Variants in RPH3AL observed in about 807,000 individuals in gnomAD.
RPH3AL encodes the protein rab effector Noc2.
In RPH3AL, 38 loss-of-function variants were observed where a neutral mutation model predicts 43.1. The observed-to-expected ratio is 0.88, with a 90% CI of 0.68 to 1.15. The LOEUF is 1.15. Ranked by LOEUF, RPH3AL falls within the 50% of genes most tolerant of loss-of-function variation. The pLI is 0.00. For synonymous variants in RPH3AL, 189 were observed against 176.3 expected (o/e 1.07, Z -0.57); for missense variants, 462 against 423.2 (o/e 1.09, Z -0.81).
chr17:344,207 CCAT>C (rs1598170420), intron 1 of RPH3AL, among the ~76,000 whole-genome samples: 1 of 131,936 alleles, frequency 7.6e-6, no homozygotes, highest in Non-Finnish European at 1.7e-5. Flanking sequence ...ATCATCATCA[CCAT>C]CATCACTATC....
chr17:316,751 C>CA (rs2044232240), intron 5 of RPH3AL, among the ~76,000 whole-genome samples: 1 of 137,202 alleles, frequency 7.3e-6, no homozygotes, highest in Non-Finnish European at 1.6e-5. Flanking sequence ...TCCATGTGCC[C>CA]CACCTCCATT....
intron 1 of RPH3AL, among the ~76,000 whole-genome samples, chr17:334,407 C>T (rs969205264): frequency 7.9e-5 from 12 of 152,070 alleles, no homozygotes; most frequent in Non-Finnish European, 1.6e-4. Context: ...CCGTCCACTG[C>T]GGGGGGACAG....
chr17:289,220 T>C lies in RPH3AL; in HGVS notation c.352-7366A>G, dbSNP rs1158147363. Among the ~76,000 whole-genome samples the C allele has an allele frequency of 6.6e-6, 1 of 152,036 alleles. No individual in the cohort carries two copies. The highest frequency in any genetic ancestry group is 1.5e-5 in the Non-Finnish European group (1 of 67,996). ...ATGAGGGGATCAAGGGAGACGGTCATGAAAGTGCTCAGCACCATAAAAGGT... is the reference window on the plus strand; with the variant it reads ...ATGAGGGGATCAAGGGAGACGGTCACGAAAGTGCTCAGCACCATAAAAGGT... On this transcript the variant is annotated intron_variant, in intron 5 of 9. Coordinates refer to ENST00000331302, the MANE Select transcript of RPH3AL (RefSeq NM_006987.4). The surrounding 1 kb of genome is among the most constrained non-coding windows in gnomAD (Gnocchi z 5.2).
intron 6 of RPH3AL, among the ~76,000 whole-genome samples, chr17:256,067 T>C (rs1362313259): frequency 0.096 from 1,990 of 20,782 alleles, no homozygotes; most frequent in African/African-American, 0.12. Context: ...ACGGCGTCTG[T>C]CCTTTTCCAT....
At position 258,757 on chromosome 17, in the gene RPH3AL, G is replaced by GTTTTT. The variant is rs372761475; in HGVS notation, c.439-11477_439-11473dup. Among the ~76,000 whole-genome samples the GTTTTT allele has an allele frequency of 2.3e-4, 23 of 98,762 alleles. 7 individuals carry two copies. Among genetic ancestry groups the GTTTTT allele is most frequent in the Non-Finnish European group, 1.5e-4 (7 of 47,476 alleles). 64.8% of individuals were successfully genotyped at this position (98,762 alleles called of 152,430 possible). On this transcript the variant is annotated intron_variant, in intron 6 of 9. Coordinates refer to ENST00000331302, the MANE Select transcript of RPH3AL (RefSeq NM_006987.4). ...TCAGCCATTTTGGGATAGTCAACCC[G>GTTTTT]TTTTTTTTTTTTTTTTTTTTTGAGA...
At chr17:296,974 C>A (rs561328672) in intron 5 of RPH3AL, among the ~76,000 whole-genome samples, 50 of 152,240 alleles carry the variant, frequency 3.3e-4, no homozygotes, top group African/African-American at 1.0e-3. Flanking sequence ...GAGGACAAAC[C>A]GTAACACCGA....
chr17:317,434 C>T (rs1336573074), intron 5 of RPH3AL, among the ~76,000 whole-genome samples: 1 of 150,680 alleles, frequency 6.6e-6, no homozygotes, highest in Non-Finnish European at 1.5e-5. Context: ...CCTCCATTGA[C>T]CTGTAGTCCA....
chr17:253,629 C>G (rs1338391511), intron 6 of RPH3AL, among the ~76,000 whole-genome samples: 2 of 152,154 alleles, frequency 1.3e-5, no homozygotes, highest in African/African-American at 4.8e-5. Context: ...TAGCTCTCCT[C>G]TGCCCTGGCC....
At chr17:321,726 TGCCGTGTGCAGGGGGCAAGGCACGCG>T in intron 3 of RPH3AL, 1 of 337,864 alleles carries the variant, frequency 3.0e-6, no homozygotes. Flanking sequence ...ACGGCCCAGG[TGCCGTGTGCAGGGGGCAAGGCACGCG>T]GGCAACAGAG....
At chr17:226,418 C>G (rs1013565385) in intron 7 of RPH3AL, among the ~76,000 whole-genome samples, 1 of 152,272 alleles carries the variant, frequency 6.6e-6, no homozygotes, top group African/African-American at 2.4e-5. Context: ...ACTGGACCCT[C>G]TCTGCTCACT....
chr17:349,244 G>A (rs941739611), intron 1 of RPH3AL: 7 of 152,154 alleles, frequency 4.6e-5, no homozygotes, highest in African/African-American at 1.7e-4. Flanking sequence ...TAATTGGGCA[G>A]GAGGGAAACT....
rs545293351 is a variant in RPH3AL, at chr17:290,994, C to T, written c.352-9140G>A. 2.6e-5 allele frequency among the ~76,000 whole-genome samples: 4 copies of T among 152,278 alleles called. No homozygotes were observed. Among genetic ancestry groups the T allele is most frequent in the Admixed American group, 6.5e-5 (1 of 15,290 alleles). On this transcript the variant is annotated intron_variant, in intron 5 of 9. Transcript: ENST00000331302. This position sits in a 1 kb window ranked among gnomAD's most constrained non-coding sequence, Gnocchi z 4.2. Reference sequence around the variant, plus strand: ...TGGACCATCCATGGCACAGAGAGGGCTGTTCATGAGCCTCACTCGACCGAA... The same window carrying T: ...TGGACCATCCATGGCACAGAGAGGGTTGTTCATGAGCCTCACTCGACCGAA...
chr17:263,674 G>A (rs1555547055), intron 6 of RPH3AL, among the ~76,000 whole-genome samples: 5 of 152,232 alleles, frequency 3.3e-5, no homozygotes, highest in Non-Finnish European at 7.3e-5. Context: ...CTGGCACACT[G>A]AATCTGGATG....
At chr17:226,323 G>A (rs1249475896) in intron 7 of RPH3AL, among the ~76,000 whole-genome samples, 1 of 152,136 alleles carries the variant, frequency 6.6e-6, no homozygotes, top group Non-Finnish European at 1.5e-5. Flanking sequence ...CTCATTAGAT[G>A]CATCCTCCCT....
intron 7 of RPH3AL, among the ~76,000 whole-genome samples, chr17:228,923 C>T (rs995711264): frequency 1.3e-5 from 2 of 152,220 alleles, no homozygotes; most frequent in Non-Finnish European, 2.9e-5. Flanking sequence ...GAGCTCTGGT[C>T]CTGCCTTGGA....
rs1339292095 is a variant in RPH3AL at position 340,408 on chromosome 17, G to A, written c.-212-6474C>T. Among the ~76,000 whole-genome samples, 3 of 114,098 alleles carry A rather than the reference G, an allele frequency of 2.6e-5. 1 individual carries two copies. The highest frequency in any genetic ancestry group is 2.9e-4 in the East Asian group (1 of 3,482). The allele number at this position is 114,098 out of a possible 152,430, so 74.9% of individuals were successfully genotyped here. A position where few individuals can be genotyped will look rare whatever the true frequency, so the allele number is the denominator to read the frequency against. On this transcript the variant is annotated intron_variant, in intron 1 of 9. Coordinates refer to ENST00000331302, the MANE Select transcript of RPH3AL (RefSeq NM_006987.4). ...TCCCCACATCCACACTCACTGCCCCGGGCTCAGGCCTCCCCACATCCATAC... is the reference window on the plus strand; with the variant it reads ...TCCCCACATCCACACTCACTGCCCCAGGCTCAGGCCTCCCCACATCCATAC...
intron 6 of RPH3AL, among the ~76,000 whole-genome samples, chr17:273,512 A>C (rs1280756033): frequency 1.6e-5 from 1 of 61,360 alleles, no homozygotes; most frequent in African/African-American, 4.9e-5. Flanking sequence ...GACCCCAGCG[A>C]GGGTGACGTC....
chr17:229,358 C>T (rs1235625626), intron 7 of RPH3AL, among the ~76,000 whole-genome samples: 1 of 152,214 alleles, frequency 6.6e-6, no homozygotes, highest in Non-Finnish European at 1.5e-5. Context: ...TCAGGAAATA[C>T]TTGCTGACTG....
chr17:260,283 G>C (rs897177064), intron 6 of RPH3AL, among the ~76,000 whole-genome samples: 1 of 152,168 alleles, frequency 6.6e-6, no homozygotes, highest in Non-Finnish European at 1.5e-5. Context: ...CCCCTCTGTC[G>C]TGCTCCCAGA....
Sources: gnomAD v4.1 joint callset for allele counts (sites outside exome capture counted in the v4.1 genomes callset) on GRCh38, gnomAD v4.1.1 for gene constraint, Gnocchi (gnomAD v3.1) non-coding constraint, MANE v1.5 for transcripts, NCBI Gene and HGNC (gene_info 2026-07-23, HGNC 2026-07-21) for gene names.